The following TC2N variants were observed in gnomAD, a reference collection of about 807,000 sequenced individuals.
The protein encoded by TC2N is tandem C2 domains nuclear protein.
A neutral mutation model predicts 61.9 loss-of-function variants in TC2N; 51 were observed. That is an observed-to-expected ratio of 0.82 (90% confidence interval 0.66 to 1.04). The LOEUF is 1.04. Among genes scored for constraint, TC2N ranks in the 50% least tolerant of loss-of-function variants. The pLI is 0.00. For synonymous variants in TC2N, 204 were observed against 192.6 expected, an observed-to-expected ratio of 1.06 and a Z score of -0.49; for missense variants, 556 against 566.7, an observed-to-expected ratio of 0.98 and a Z score of 0.19.
intron 1 of TC2N, among the ~76,000 whole-genome samples, chr14:91,843,851 G>A (rs1027567624): frequency 1.3e-5 from 2 of 152,070 alleles, no homozygotes; most frequent in Admixed American, 6.5e-5. Flanking sequence ...ATTAGAAGTG[G>A]AGGGAGGGGC....
rs768630441 is a variant in TC2N at position 91,792,502 on chromosome 14, A to G, written c.912T>C (p.Thr304=). The change falls in exon 9 of 12, where the codon ACT becomes ACC. Residue 304 remains threonine (T), a synonymous_variant. Transcript: ENST00000435962. ...TTTGAATCTTAAATACAAGTCTTACAGTTTGTAGATTTTGAAGTTTAATAG... is the reference window on the plus strand; with the variant it reads ...TTTGAATCTTAAATACAAGTCTTACGGTTTGTAGATTTTGAAGTTTAATAG... ...VFAIKLQNLQ[T]VRLVFKIQTQ... The G allele has an allele frequency of 6.9e-6, 11 of 1,602,738 alleles. No individual in the cohort carries two copies. Among genetic ancestry groups the G allele is most frequent in the African/African-American group, 4.0e-5 (3 of 74,862 alleles).
At position 91,866,216 on chromosome 14, in the gene TC2N, CA is replaced by C. The variant is rs570746860; in HGVS notation, c.-57+1045del. 7 of 152,240 alleles carry C rather than the reference CA, an allele frequency of 4.6e-5. No individual in the cohort carries two copies. The East Asian group carries it at 1.3e-3, about 29-fold the overall frequency. 9.4% of individuals were successfully genotyped at this position (152,240 alleles called of 1,614,324 possible). A position where few individuals can be genotyped will look rare whatever the true frequency, so the allele number is the denominator to read the frequency against. The stretch of plus-strand genomic sequence containing the variant: ...CACATTACAGTAACCACCCAGGCCA[CA>C]AAAATGCGTTGAAACCACTGAAAAT... On this transcript the variant is annotated intron_variant, in intron 1 of 11. Transcript: ENST00000435962.
At chr14:91,855,764 C>T (rs932581310) in intron 1 of TC2N, among the ~76,000 whole-genome samples, 12 of 152,078 alleles carry the variant, frequency 7.9e-5, no homozygotes, top group Admixed American at 2.6e-4. Context: ...TGGCAAGGGA[C>T]GATTGGATGG....
intron 1 of TC2N, among the ~76,000 whole-genome samples, chr14:91,851,261 C>T (rs1490391328): frequency 6.6e-6 from 1 of 152,182 alleles, no homozygotes; most frequent in African/African-American, 2.4e-5. Flanking sequence ...ATAATGAAGA[C>T]CACTTTACAA....
At chr14:91,820,906 A>C (rs948436081) in intron 1 of TC2N, among the ~76,000 whole-genome samples, 11 of 152,056 alleles carry the variant, frequency 7.2e-5, no homozygotes, top group Non-Finnish European at 1.3e-4. Context: ...GAAGTACAAG[A>C]CTTATACACT....
At chr14:91,812,591 C>T in intron 2 of TC2N, 46 bp from the exon 3 acceptor site, 1 of 941,442 alleles carries the variant, frequency 1.1e-6, no homozygotes, top group Non-Finnish European at 1.6e-6. Flanking sequence ...ATATAGGTTA[C>T]ATATAATAAT....
chr14:91,781,577 A>G lies in TC2N; in HGVS notation c.*1523T>C, dbSNP rs1368052991. The G allele has an allele frequency of 6.6e-6, 1 of 152,124 alleles. No homozygotes were observed. The highest frequency in any genetic ancestry group is 1.9e-4 in the East Asian group (1 of 5,198). 9.4% of individuals were successfully genotyped at this position (152,124 alleles called of 1,614,324 possible). A position where few individuals can be genotyped will look rare whatever the true frequency, so the allele number is the denominator to read the frequency against. On this transcript the variant is annotated 3_prime_UTR_variant, in exon 12 of 12. Coordinates refer to ENST00000435962, the MANE Select transcript of TC2N (RefSeq NM_001128596.3). Reference sequence around the variant, plus strand: ...AAAAAAAAAGTCTATTTTTAAAAACAATTTTTAAAAGTTGTATTCGTCTCA... The same window carrying G: ...AAAAAAAAAGTCTATTTTTAAAAACGATTTTTAAAAGTTGTATTCGTCTCA...
chr14:91,796,906 G>A (rs1885924786), intron 8 of TC2N, among the ~76,000 whole-genome samples: 1 of 152,074 alleles, frequency 6.6e-6, no homozygotes, highest in African/African-American at 2.4e-5. Context: ...CCATTCCTCT[G>A]TATGACACAT....
At chr14:91,827,511 A>C (rs1032979485) in intron 1 of TC2N, among the ~76,000 whole-genome samples, 1 of 152,196 alleles carries the variant, frequency 6.6e-6, no homozygotes, top group African/African-American at 2.4e-5. Context: ...CCATTGTTAC[A>C]TCTTCTCTAA....
rs1885701959 is a variant in TC2N, at chr14:91,792,390, T to C, written c.1024A>G (p.Ile342Val). ...STQEMDYSLD[I>V]TPPSKISVCH... Reference sequence around the variant, plus strand: ...ACAGAAATTTTTGAAGGTGGTGTTATATCCAAAGAGTAATCCATTTCCTGT... The same window carrying C: ...ACAGAAATTTTTGAAGGTGGTGTTACATCCAAAGAGTAATCCATTTCCTGT... The change falls in exon 9 of 12, where the codon ATA (isoleucine) becomes GTA (valine). Residue 342 changes from isoleucine to valine, a missense_variant. Coordinates refer to ENST00000435962, the MANE Select transcript of TC2N (RefSeq NM_001128596.3). 2 of 1,598,498 alleles carry C rather than the reference T, an allele frequency of 1.3e-6. No homozygotes were observed. Among genetic ancestry groups the C allele is most frequent in the African/African-American group, 1.3e-5 (1 of 74,550 alleles).
chr14:91,782,202 G>GA lies in TC2N; in HGVS notation c.*897dup, dbSNP rs1195931820. 6.6e-6 allele frequency: 1 copy of GA among 151,748 alleles called. No individual in the cohort carries two copies. Among genetic ancestry groups the GA allele is most frequent in the African/African-American group, 2.4e-5 (1 of 41,358 alleles). The allele number at this position is 151,748 out of a possible 1,614,324, so 9.4% of individuals were successfully genotyped here. A position where few individuals can be genotyped will look rare whatever the true frequency, so the allele number is the denominator to read the frequency against. On this transcript the variant is annotated 3_prime_UTR_variant, in exon 12 of 12. Coordinates refer to ENST00000435962, the MANE Select transcript of TC2N (RefSeq NM_001128596.3). ...ACACAGTATAATCAGGTATGGTTAT[G>GA]AAAAAAATGAGAAAATACTCAAACA...
At chr14:91,794,023 G>A (rs540440812) in intron 8 of TC2N, among the ~76,000 whole-genome samples, 1 of 152,160 alleles carries the variant, frequency 6.6e-6, no homozygotes, top group African/African-American at 2.4e-5. Context: ...ATAAGAAAGT[G>A]AAACAGCCTT....
At position 91,803,380 on chromosome 14, in the gene TC2N, T is replaced by C. The variant is rs796214930; in HGVS notation, c.302-959A>G. Among the ~76,000 whole-genome samples, 593 of 145,518 alleles carry C rather than the reference T, an allele frequency of 4.1e-3. 4 individuals are homozygous for C. Among genetic ancestry groups the C allele is most frequent in the South Asian group, 0.025 (114 of 4,546 alleles). On this transcript the variant is annotated intron_variant, in intron 3 of 11. Transcript: ENST00000435962. ...AGCATTAATCATATACATACATATA[T>C]ACACACACACACACACACACACGTA...
At chr14:91,842,347 T>C (rs1888179817) in intron 1 of TC2N, among the ~76,000 whole-genome samples, 1 of 152,180 alleles carries the variant, frequency 6.6e-6, no homozygotes, top group Non-Finnish European at 1.5e-5. Context: ...ACTACAGAAA[T>C]TTGGGTAAAA....
chr14:91,863,550 C>T (rs995375638), intron 1 of TC2N, among the ~76,000 whole-genome samples: 2 of 152,086 alleles, frequency 1.3e-5, no homozygotes, highest in Non-Finnish European at 2.9e-5. Flanking sequence ...CTTACAAAGT[C>T]ATAGGTAGAT....
chr14:91,820,171 T>C (rs1159930066), intron 1 of TC2N, among the ~76,000 whole-genome samples: 2 of 151,880 alleles, frequency 1.3e-5, no homozygotes, highest in African/African-American at 4.8e-5. Flanking sequence ...TAAATACAAA[T>C]AAGTTAAAAA....
At chr14:91,854,072 G>A (rs1394334778) in intron 1 of TC2N, among the ~76,000 whole-genome samples, 7 of 152,134 alleles carry the variant, frequency 4.6e-5, no homozygotes, top group Admixed American at 2.0e-4. Flanking sequence ...TGGTTTTGAA[G>A]TGGAACCAAA....
chr14:91,861,165 T>C (rs1888580878), intron 1 of TC2N, among the ~76,000 whole-genome samples: 2 of 152,242 alleles, frequency 1.3e-5, no homozygotes, highest in East Asian at 3.9e-4. Flanking sequence ...ATGAAGGAAA[T>C]TGATTCTAGG....
At chr14:91,848,374 T>C (rs962644401) in intron 1 of TC2N, among the ~76,000 whole-genome samples, 1 of 152,204 alleles carries the variant, frequency 6.6e-6, no homozygotes, top group African/African-American at 2.4e-5. Flanking sequence ...GTCGAGGGTC[T>C]AGCATGATAC....
Sources: gnomAD v4.1 joint callset for allele counts (sites outside exome capture counted in the v4.1 genomes callset) on GRCh38, gnomAD v4.1.1 for gene constraint, MANE v1.5 for transcripts, NCBI Gene and HGNC (gene_info 2026-07-23, HGNC 2026-07-21) for gene names.